Variants in PSMD1 observed in about 807,000 individuals in gnomAD.
PSMD1 encodes 26S proteasome non-ATPase regulatory subunit 1.
A neutral mutation model predicts 119.0 loss-of-function variants in PSMD1; 18 were observed. That is an observed-to-expected ratio of 0.15 (90% CI 0.10 to 0.22). The LOEUF (loss-of-function observed/expected upper bound fraction) is 0.22. PSMD1 is among the 10% of genes least tolerant of loss of function. The pLI, the probability that PSMD1 is intolerant of heterozygous loss-of-function variation, is 1.00. For synonymous variants in PSMD1, 374 were observed against 396.6 expected (o/e 0.94, Z 0.68); for missense variants, 702 against 1,158.5 (o/e 0.61, Z 5.72).
At chr2:231,167,308 T>G (rs1024655505) in intron 23 of PSMD1, among the ~76,000 whole-genome samples, 2 of 152,164 alleles carry the variant, frequency 1.3e-5, no homozygotes, top group Non-Finnish European at 2.9e-5. Context: ...ACAGATGTAT[T>G]AGGACACAAC....
chr2:231,108,845 G>A, intron 16 of PSMD1: 1 of 1,614,094 alleles, frequency 6.2e-7, no homozygotes, highest in African/African-American at 1.3e-5. Flanking sequence ...ATTCACTCCT[G>A]AGGAAACATA....
In PSMD1 at chr2:231,087,199, C is replaced by T; in HGVS notation, c.1883+18C>T. The T allele has an allele frequency of 1.2e-6, 2 of 1,603,632 alleles. No homozygotes were observed. On this transcript the variant is annotated intron_variant, in intron 16 of 24. Coordinates refer to ENST00000308696, the MANE Select transcript of PSMD1 (RefSeq NM_002807.4). ...CTATTCAGGTAATAACTTCAAACTT[C>T]TTATTCTATTTATATTTCATTTTTT...
Position 231,164,231 on chromosome 2 carries a change from G to A in PSMD1, c.2481+504G>A, listed in dbSNP as rs556442569. ...TTATACACATGTATTTGTGCACTGT[G>A]TGAGTATATCTGTAGGTTAGAATCC... On this transcript the variant is annotated intron_variant, in intron 21 of 24. Coordinates refer to ENST00000308696, the MANE Select transcript of PSMD1 (RefSeq NM_002807.4). 1.5e-3 allele frequency among the ~76,000 whole-genome samples: 231 copies of A among 152,226 alleles called. 3 individuals are homozygous for A. Among genetic ancestry groups the A allele is most frequent in the East Asian group, 5.0e-3 (26 of 5,184 alleles).
intron 16 of PSMD1, among the ~76,000 whole-genome samples, chr2:231,123,070 A>G (rs1247739676): frequency 1.3e-5 from 2 of 152,174 alleles, no homozygotes; most frequent in Admixed American, 6.5e-5. Context: ...TGAGGAAAAA[A>G]AGTATCAGTG....
At chr2:231,172,347 A>G (rs1445888265) in intron 24 of PSMD1, among the ~76,000 whole-genome samples, 188 bp from the exon 25 acceptor site, 3 of 152,246 alleles carry the variant, frequency 2.0e-5, no homozygotes, top group Non-Finnish European at 2.9e-5. Context: ...TCAAAGGGGT[A>G]AAATATTCAG....
intron 5 of PSMD1, 143 bp downstream of exon 5, chr2:231,067,254 A>T (rs1343239718): frequency 1.6e-6 from 1 of 625,110 alleles, no homozygotes; most frequent in Non-Finnish European, 2.7e-6. Context: ...TTTTATTTTC[A>T]TATTTATGTA....
At chr2:231,138,041 A>T (rs1306426909) in intron 16 of PSMD1, among the ~76,000 whole-genome samples, 1 of 152,176 alleles carries the variant, frequency 6.6e-6, no homozygotes, top group East Asian at 1.9e-4. Flanking sequence ...CTCTTCTTAC[A>T]TTCTCTTCTA....
intron 19 of PSMD1, among the ~76,000 whole-genome samples, chr2:231,158,000 ATCT>A (rs1696552458): frequency 6.6e-6 from 1 of 151,994 alleles, no homozygotes; most frequent in African/African-American, 2.4e-5. Flanking sequence ...TGCAGTCTTG[ATCT>A]TCTCTCAGTA....
At chr2:231,167,967 C>A (rs906169788) in intron 23 of PSMD1, among the ~76,000 whole-genome samples, 15 of 152,314 alleles carry the variant, frequency 9.8e-5, no homozygotes, top group African/African-American at 3.6e-4. Context: ...ACAGTCCCAG[C>A]TACATGGGAG....
At chr2:231,163,299 G>A (rs1041472055) in intron 20 of PSMD1, 3 of 204,900 alleles carry the variant, frequency 1.5e-5, no homozygotes, top group African/African-American at 2.3e-5. Context: ...TTTGTATGCA[G>A]GATAGACCAT....
In PSMD1 at chr2:231,172,628, A is replaced by G. The variant is rs933838865; in HGVS notation, c.*103A>G. The G allele has an allele frequency of 2.0e-5, 3 of 152,070 alleles. No homozygotes were observed. The highest frequency in any genetic ancestry group is 1.3e-4 in the Admixed American group (2 of 15,280). The allele number at this position is 152,070 out of a possible 1,614,324, so 9.4% of individuals were successfully genotyped here. On this transcript the variant is annotated 3_prime_UTR_variant, in exon 25 of 25. Transcript: ENST00000308696. ...CCGAGACCTGCTATTCAATGCATGTATCGTTGCCTCTGCACTGACCTGAAG... is the reference window on the plus strand; with the variant it reads ...CCGAGACCTGCTATTCAATGCATGTGTCGTTGCCTCTGCACTGACCTGAAG...
At chr2:231,148,133 C>T (rs1183536978) in intron 18 of PSMD1, among the ~76,000 whole-genome samples, 3 of 152,138 alleles carry the variant, frequency 2.0e-5, no homozygotes, top group Non-Finnish European at 4.4e-5. Context: ...CCAAACACCA[C>T]ATTTCTTTTT....
intron 23 of PSMD1, among the ~76,000 whole-genome samples, chr2:231,169,500 A>G (rs1696863976): frequency 6.6e-6 from 1 of 152,146 alleles, no homozygotes; most frequent in South Asian, 2.1e-4. Flanking sequence ...AAATGTATAG[A>G]TATGTGTGTG....
chr2:231,113,072 G>A (rs1177945281), intron 16 of PSMD1, among the ~76,000 whole-genome samples: 1 of 152,160 alleles, frequency 6.6e-6, no homozygotes, highest in Non-Finnish European at 1.5e-5. Context: ...GCTGAGGTGG[G>A]AGGATCGCTT....
chr2:231,103,266 A>G (rs1374541293), intron 16 of PSMD1, among the ~76,000 whole-genome samples: 1 of 152,230 alleles, frequency 6.6e-6, no homozygotes, highest in Non-Finnish European at 1.5e-5. Flanking sequence ...TTAATCAAAT[A>G]CTGGTCTTCA....
intron 16 of PSMD1, among the ~76,000 whole-genome samples, chr2:231,088,580 G>A (rs767750386): frequency 8.6e-5 from 13 of 152,004 alleles, no homozygotes; most frequent in Admixed American, 1.3e-4. Flanking sequence ...TGTTACCATC[G>A]TAGTTGTTTT....
intron 16 of PSMD1, among the ~76,000 whole-genome samples, chr2:231,088,232 G>T (rs1426626901): frequency 6.6e-6 from 1 of 152,178 alleles, no homozygotes; most frequent in African/African-American, 2.4e-5. Context: ...AGTTGTAGTT[G>T]TGGAGTTGGT....
intron 18 of PSMD1, among the ~76,000 whole-genome samples, chr2:231,152,928 A>G (rs1696403368): frequency 6.6e-6 from 1 of 152,218 alleles, no homozygotes; most frequent in Non-Finnish European, 1.5e-5. Flanking sequence ...TCATAAAAAT[A>G]ATACATATTA....
At chr2:231,076,246 A>G (rs1472959) in intron 8 of PSMD1, among the ~76,000 whole-genome samples, 81,859 of 152,054 alleles carry the variant, frequency 0.54, 24,817 homozygotes, top group African/African-American at 0.83. Flanking sequence ...TAATGTTTGC[A>G]GCGTATTGGA....
Sources: gnomAD v4.1 joint callset for allele counts (sites outside exome capture counted in the v4.1 genomes callset) on GRCh38, gnomAD v4.1.1 for gene constraint, MANE v1.5 for transcripts, NCBI Gene and HGNC (gene_info 2026-07-23, HGNC 2026-07-21) for gene names.